NINL: variants seen among roughly 807,000 people sequenced by gnomAD.
NINL encodes the protein ninein like.
Under a neutral mutation model 160.3 loss-of-function variants are expected in NINL, and 153 were observed. The ratio of observed to expected loss-of-function variants is 0.95; its 90% confidence interval spans 0.84 to 1.09. The LOEUF (loss-of-function observed/expected upper bound fraction) is 1.09. Among genes scored for constraint, NINL ranks in the 50% least tolerant of loss-of-function variants. The probability of loss-of-function intolerance (pLI) is 0.00; values close to 1 mark genes in which losing one functional copy is unlikely to be tolerated. For missense variants in NINL, 1,829 were observed against 1,764.0 expected, an observed-to-expected ratio of 1.04 and a Z score of -0.66; for synonymous variants, 800 against 734.8, an observed-to-expected ratio of 1.09 and a Z score of -1.43.
At chr20:25,578,159 G>A (rs2065137556) in intron 1 of NINL, among the ~76,000 whole-genome samples, 1 of 149,962 alleles carries the variant, frequency 6.7e-6, no homozygotes, top group South Asian at 2.1e-4. Context: ...CGCCCATGGA[G>A]TGCAGTAGCG....
At chr20:25,466,625 C>A (rs2062920291) in intron 19 of NINL, among the ~76,000 whole-genome samples, 1 of 151,658 alleles carries the variant, frequency 6.6e-6, no homozygotes, top group African/African-American at 2.4e-5. Context: ...CATGGTGAAA[C>A]CCTGTCTCTA....
Position 25,477,026 on chromosome 20 carries a change from T to C in NINL, c.2265A>G (p.Arg755=), listed in dbSNP as rs1377956576. ...GCTCCTCCAGCTCCAAGGTCAGGTC[T>C]CTGCGAGCGGGCAGGGCTCCCAGCC... The part of the protein sequence containing the change: ...LSGLGALPAR[R]DLTLELEEPP... The change falls in exon 17 of 24, where the codon AGA becomes AGG. Residue 755 remains arginine (R), a synonymous_variant. Transcript: ENST00000278886. 1 of 1,599,932 alleles carries C rather than the reference T, an allele frequency of 6.3e-7. No homozygotes were observed. Among genetic ancestry groups the C allele is most frequent in the Admixed American group, 1.7e-5 (1 of 59,972 alleles).
chr20:25,577,282 C>T (rs766065940), intron 1 of NINL, among the ~76,000 whole-genome samples: 4 of 152,166 alleles, frequency 2.6e-5, no homozygotes, highest in Non-Finnish European at 2.9e-5. Context: ...CATGGAGACA[C>T]GCGTCCCCAA....
chr20:25,545,763 A>G (rs59813927), intron 1 of NINL, among the ~76,000 whole-genome samples: 3,230 of 152,282 alleles, frequency 0.021, 103 homozygotes, highest in African/African-American at 0.073. Context: ...TTTCTTTGCC[A>G]TATCTTGAAG....
chr20:25,504,833 T>C, intron 6 of NINL, 55 bp downstream of exon 6: 1 of 1,586,572 alleles, frequency 6.3e-7, no homozygotes, highest in South Asian at 1.1e-5. Context: ...GACCCAACAC[T>C]AAACCGTGAC....
intron 1 of NINL, among the ~76,000 whole-genome samples, chr20:25,570,852 G>A (rs984656565): frequency 2.6e-5 from 4 of 151,718 alleles, no homozygotes; most frequent in African/African-American, 4.8e-5. Flanking sequence ...GCAGGCACAC[G>A]CCACCATGCC....
chr20:25,555,834 T>C (rs939451737), intron 1 of NINL, among the ~76,000 whole-genome samples: 7 of 152,116 alleles, frequency 4.6e-5, no homozygotes, highest in Admixed American at 3.3e-4. Flanking sequence ...ACCACCACGC[T>C]TGGGTAATTT....
chr20:25,494,832 G>A lies in NINL; in HGVS notation c.1310+1831C>T, dbSNP rs114362809. Among the ~76,000 whole-genome samples the A allele has an allele frequency of 3.5e-3, 535 of 152,330 alleles. 3 individuals are homozygous for A. The highest frequency in any genetic ancestry group is 0.012 in the African/African-American group (502 of 41,568). ...GGAAGGCCTGAAGGAGAGTGGCTGG[G>A]CTCTGCCCTCATGCTTCTCCCACCT... On this transcript the variant is annotated intron_variant, in intron 10 of 23. Transcript: ENST00000278886.
chr20:25,462,234 G>C, intron 20 of NINL, 149 bp downstream of exon 20: 1 of 674,836 alleles, frequency 1.5e-6, no homozygotes, highest in East Asian at 2.8e-5. Context: ...TGCCAACACA[G>C]CACAGTCCAC....
At chr20:25,564,557 A>G (rs1282490433) in intron 1 of NINL, among the ~76,000 whole-genome samples, 2 of 152,132 alleles carry the variant, frequency 1.3e-5, no homozygotes, top group African/African-American at 4.8e-5. Context: ...ACTTCAGGTG[A>G]TCTTTCTGCC....
rs377678304 is a variant in NINL at position 25,479,075 on chromosome 20, G to T, written c.2049C>A (p.His683Gln). ...EGQKADLEEL[H>Q]EKSQEVIWGL... ...CCCAGATGACCTCCTGAGACTTCTC[G>T]TGGAGCTCCTCCAGGTCGGCCTTCT... Residue 683 changes from histidine (H) to glutamine (Q), a missense_variant, in exon 16 of 24, where the codon CAC (histidine) becomes CAA (glutamine). Coordinates refer to ENST00000278886, the MANE Select transcript of NINL (RefSeq NM_025176.6). The T allele has an allele frequency of 6.2e-7, 1 of 1,613,026 alleles. No homozygotes were observed. The highest frequency in any genetic ancestry group is 1.1e-5 in the South Asian group (1 of 91,080).
intron 18 of NINL, among the ~76,000 whole-genome samples, chr20:25,468,491 C>T (rs375675347): frequency 1.1e-4 from 16 of 139,736 alleles, no homozygotes; most frequent in Middle Eastern, 8.2e-3. Context: ...GGGGGCACCC[C>T]CCTGCCCTGT....
chr20:25,583,340 C>A (rs1019331318), intron 1 of NINL, among the ~76,000 whole-genome samples: 1 of 152,078 alleles, frequency 6.6e-6, no homozygotes, highest in African/African-American at 2.4e-5. Flanking sequence ...CAAAAGAAGA[C>A]ATTTATGCAG....
At chr20:25,545,211 C>T (rs2064717546) in intron 1 of NINL, among the ~76,000 whole-genome samples, 2 of 152,060 alleles carry the variant, frequency 1.3e-5, no homozygotes, top group Non-Finnish European at 2.9e-5. Flanking sequence ...GAGCTGGTGC[C>T]CAGTAAATCT....
At chr20:25,551,673 G>A (rs189704189) in intron 1 of NINL, among the ~76,000 whole-genome samples, 34 of 152,312 alleles carry the variant, frequency 2.2e-4, no homozygotes, top group Admixed American at 2.1e-3. Flanking sequence ...TTATTCTTAT[G>A]AGGCTCTAAT....
At chr20:25,498,161 A>C (rs951367708) in intron 9 of NINL, 49 bp downstream of exon 9, 1 of 1,604,718 alleles carries the variant, frequency 6.2e-7, no homozygotes, top group Non-Finnish European at 8.5e-7. Flanking sequence ...CTCCAGGCCC[A>C]CCTGGCCAGC....
intron 2 of NINL, among the ~76,000 whole-genome samples, chr20:25,523,203 C>T (rs1184623092): frequency 6.6e-6 from 1 of 151,754 alleles, no homozygotes; most frequent in Admixed American, 6.6e-5. Context: ...ATGTGACCAT[C>T]CTTTCTTTTT....
chr20:25,557,086 T>C (rs1288312382), intron 1 of NINL, among the ~76,000 whole-genome samples: 1 of 152,234 alleles, frequency 6.6e-6, no homozygotes, highest in Non-Finnish European at 1.5e-5. Context: ...TTTTATTTTA[T>C]ACTGAACTGC....
Position 25,458,524 on chromosome 20 carries a change from C to T in NINL, c.3702G>A (p.Gln1234=), listed in dbSNP as rs1278833481. Residue 1234 remains glutamine (Q), a synonymous_variant, in exon 22 of 24, where the codon CAG becomes CAA. Transcript: ENST00000278886. ...QTLEESQDQV[Q]GAHLRLRQAQ... is the part of the protein sequence containing the mutation. Reference sequence around the variant, plus strand: ...CCTGCCTCAGCCTCAGGTGAGCTCCCTGCACCTGCATGGGGAAGGGGAGAC... The same window carrying T: ...CCTGCCTCAGCCTCAGGTGAGCTCCTTGCACCTGCATGGGGAAGGGGAGAC... 1 of 1,593,046 alleles carries T rather than the reference C, an allele frequency of 6.3e-7. No homozygotes were observed. Among genetic ancestry groups the T allele is most frequent in the South Asian group, 1.1e-5 (1 of 90,124 alleles).
Sources: allele counts gnomAD v4.1 joint callset (sites outside exome capture counted in the v4.1 genomes callset), GRCh38; gene constraint gnomAD v4.1.1; transcripts MANE v1.5; gene names NCBI Gene and HGNC (gene_info 2026-07-23, HGNC 2026-07-21).